The following MPDZ variants were observed in gnomAD, a reference collection of about 807,000 sequenced individuals.
MPDZ encodes the protein multiple PDZ domain crumbs cell polarity complex component.
Under a neutral mutation model 239.1 loss-of-function variants are expected in MPDZ, and 234 were observed. That is an observed-to-expected ratio of 0.98 (90% CI 0.88 to 1.09). MPDZ has a LOEUF of 1.09. Among genes scored for constraint, MPDZ ranks in the 50% least tolerant of loss-of-function variants. The pLI is 0.00. For missense variants in MPDZ, 3,175 were observed against 2,510.0 expected (o/e 1.26, Z -5.66); for synonymous variants, 1,048 against 881.3 (o/e 1.19, Z -3.35).
chr9:13,143,683 A>G (rs1360972783), intron 26 of MPDZ, 119 bp from the exon 27 acceptor site: 2 of 774,224 alleles, frequency 2.6e-6, no homozygotes, highest in Non-Finnish European at 4.5e-6. Context: ...ATCCTATCAG[A>G]TCCAGTCATT....
chr9:13,275,005 T>C lies in MPDZ; in HGVS notation c.-58+4395A>G, dbSNP rs753015965. The stretch of plus-strand genomic sequence containing the variant: ...CCAATGAACATCCAGAGAAAGAAAA[T>C]AAGTGGCCTCAGGCCAAAGATAAAA... On this transcript the variant is annotated intron_variant, in intron 1 of 46. Transcript: ENST00000319217. Among the ~76,000 whole-genome samples, 5 of 152,048 alleles carry C rather than the reference T, an allele frequency of 3.3e-5. No homozygotes were observed. The South Asian group carries it at 8.3e-4, about 25-fold the overall frequency.
intron 24 of MPDZ, 60 bp downstream of exon 24, chr9:13,157,958 C>T: frequency 7.0e-7 from 1 of 1,432,086 alleles, no homozygotes. Context: ...GAAACCACAC[C>T]TGCTTATCTT....
Position 13,138,077 on chromosome 9 carries a change from C to G in MPDZ, c.4080G>C (p.Leu1360Phe), listed in dbSNP as rs543556436. ...CTTTGTTCCCAGCAAGACTTAGGCC[C>G]AAACCACTATGACCTTTCTCCAGTT... Reference protein sequence around the residue: ...MIELEKGHSGLGLSLAGNKDR... With the variant: ...MIELEKGHSGFGLSLAGNKDR... The change falls in exon 29 of 47, where the codon TTG becomes TTC. Residue 1360 changes from leucine (L) to phenylalanine (F), a missense_variant. Coordinates refer to ENST00000319217, the MANE Select transcript of MPDZ (RefSeq NM_001378778.1). The G allele has an allele frequency of 5.0e-5, 80 of 1,613,726 alleles. No individual in the cohort carries two copies. In the South Asian group the frequency reaches 6.9e-4, roughly 14 times the overall value.
chr9:13,231,403 T>C (rs1962409226), intron 3 of MPDZ, among the ~76,000 whole-genome samples: 1 of 151,864 alleles, frequency 6.6e-6, no homozygotes, highest in Admixed American at 6.6e-5. Context: ...CCATCTCTAA[T>C]AAAAATACAA....
intron 22 of MPDZ, 24 bp downstream of exon 22, chr9:13,168,342 A>C (rs753402587): frequency 1.2e-6 from 2 of 1,600,506 alleles, no homozygotes; most frequent in East Asian, 4.5e-5. Flanking sequence ...TCCCAAGTTA[A>C]ACTGGGCTTC....
chr9:13,258,806 T>G (rs181457033), intron 1 of MPDZ, among the ~76,000 whole-genome samples: 1 of 152,256 alleles, frequency 6.6e-6, no homozygotes, highest in East Asian at 1.9e-4. Flanking sequence ...CCTAAATTTA[T>G]TCAATGAAAA....
chr9:13,186,280 T>C lies in MPDZ; in HGVS notation c.2471A>G (p.Asp824Gly), dbSNP rs778898599. 1 of 1,582,260 alleles carries C rather than the reference T, an allele frequency of 6.3e-7. No homozygotes were observed. The highest frequency in any genetic ancestry group is 8.6e-7 in the Non-Finnish European group (1 of 1,162,846). ...GTCATAGCCACTAACCAGAGCCAAG[T>C]CAGCCCTGAAGAGGGGTTTGTCAGC... Reference protein sequence around the residue: ...GLADKPLFRADLALVGTNDAD... With the variant: ...GLADKPLFRAGLALVGTNDAD... The change falls in exon 18 of 47, where the codon GAC becomes GGC. Residue 824 changes from aspartate to glycine, a missense_variant. Coordinates refer to ENST00000319217, the MANE Select transcript of MPDZ (RefSeq NM_001378778.1).
chr9:13,160,871 A>ATATATAC (rs1950401710), intron 23 of MPDZ, among the ~76,000 whole-genome samples: 1 of 25,616 alleles, frequency 3.9e-5, no homozygotes, highest in Non-Finnish European at 9.5e-5. Flanking sequence ...TATATATATA[A>ATATATAC]AACAGGTACT....
chr9:13,140,278 A>G, intron 27 of MPDZ, 129 bp from the exon 28 acceptor site: 1 of 579,994 alleles, frequency 1.7e-6, no homozygotes, highest in East Asian at 3.6e-5. Context: ...TGGAAAGCTC[A>G]TATATGTATA....
At chr9:13,269,980 G>A (rs1026284549) in intron 1 of MPDZ, among the ~76,000 whole-genome samples, 1 of 152,152 alleles carries the variant, frequency 6.6e-6, no homozygotes, top group Non-Finnish European at 1.5e-5. Flanking sequence ...AATGTAACAA[G>A]CTACACTATT....
At chr9:13,160,193 C>T (rs1272291188) in intron 23 of MPDZ, among the ~76,000 whole-genome samples, 1 of 152,144 alleles carries the variant, frequency 6.6e-6, no homozygotes, top group Non-Finnish European at 1.5e-5. Context: ...TTGTGCAATT[C>T]CTTCCTTGCT....
chr9:13,154,931 T>C (rs1949641234), intron 24 of MPDZ, among the ~76,000 whole-genome samples: 1 of 152,086 alleles, frequency 6.6e-6, no homozygotes, highest in South Asian at 2.1e-4. Flanking sequence ...TAAAAATTGG[T>C]ATAGCAGCCA....
At position 13,270,095 on chromosome 9, in the gene MPDZ, C is replaced by T. The variant is rs373795911; in HGVS notation, c.-58+9305G>A. Reference sequence around the variant, plus strand: ...GGGCTTATTCTTTCAATGAACGTGACTATTTGCTTCTTAATTAACTCATCT... The same window carrying T: ...GGGCTTATTCTTTCAATGAACGTGATTATTTGCTTCTTAATTAACTCATCT... On this transcript the variant is annotated intron_variant, in intron 1 of 46. Coordinates refer to ENST00000319217, the MANE Select transcript of MPDZ (RefSeq NM_001378778.1). 3.9e-5 allele frequency among the ~76,000 whole-genome samples: 6 copies of T among 152,294 alleles called. No individual in the cohort carries two copies. The East Asian group carries it at 9.6e-4, about 24-fold the overall frequency.
rs115744063 is a variant in MPDZ, at chr9:13,119,237, C to G, written c.5379+265G>C. Among the ~76,000 whole-genome samples the G allele has an allele frequency of 2.5e-3, 378 of 152,228 alleles. 3 individuals are homozygous for G. Among genetic ancestry groups the G allele is most frequent in the Middle Eastern group, 0.01 (3 of 294 alleles). On this transcript the variant is annotated intron_variant, in intron 39 of 46. Transcript: ENST00000319217. ...TAGCTGGGACTATAGGCACGCACAACCATGCCCAACTAATTTTTATATTTT... is the reference window on the plus strand; with the variant it reads ...TAGCTGGGACTATAGGCACGCACAAGCATGCCCAACTAATTTTTATATTTT...
rs372186781 is a variant in MPDZ, at chr9:13,191,863, C to T, written c.1968+268G>A. Among the ~76,000 whole-genome samples, 354 of 152,184 alleles carry T rather than the reference C, an allele frequency of 2.3e-3. 5 individuals are homozygous for T. The highest frequency in any genetic ancestry group is 8.0e-3 in the African/African-American group (334 of 41,538). On this transcript the variant is annotated intron_variant, in intron 15 of 46. Coordinates refer to ENST00000319217, the MANE Select transcript of MPDZ (RefSeq NM_001378778.1). ...TGATTACATAACCTTATTTAACCTT[C>T]AGGGCAACTTTTTGAGACAAGCATC...
At chr9:13,226,654 G>C (rs371181520) in intron 3 of MPDZ, among the ~76,000 whole-genome samples, 1 of 152,004 alleles carries the variant, frequency 6.6e-6, no homozygotes, top group Admixed American at 6.6e-5. Flanking sequence ...CGAACTTACT[G>C]TGCCCTGTTT....
At chr9:13,126,010 A>G (rs1489924491) in intron 34 of MPDZ, among the ~76,000 whole-genome samples, 1 of 152,196 alleles carries the variant, frequency 6.6e-6, no homozygotes, top group Non-Finnish European at 1.5e-5. Context: ...ATTTCAAGGA[A>G]ACAAAGCTTT....
rs535707026 is a variant in MPDZ at position 13,149,900 on chromosome 9, G to T, written c.3630+611C>A. ...AGCACTGAAAAGGAGCGAGATCCTGGCTTCGACTGAGAAGGATTTACATGA... is the reference window on the plus strand; with the variant it reads ...AGCACTGAAAAGGAGCGAGATCCTGTCTTCGACTGAGAAGGATTTACATGA... On this transcript the variant is annotated intron_variant, in intron 25 of 46. Coordinates refer to ENST00000319217, the MANE Select transcript of MPDZ (RefSeq NM_001378778.1). Among the ~76,000 whole-genome samples the T allele has an allele frequency of 3.9e-5, 6 of 152,004 alleles. No homozygotes were observed. The East Asian group carries it at 1.2e-3, about 29-fold the overall frequency.
intron 3 of MPDZ, among the ~76,000 whole-genome samples, chr9:13,235,783 T>G (rs1249081188): frequency 2.6e-5 from 4 of 152,124 alleles, no homozygotes; most frequent in Non-Finnish European, 5.9e-5. Context: ...GTCTTAAAAT[T>G]CCCTTGTGCT....
Sources: allele counts gnomAD v4.1 joint callset (sites outside exome capture counted in the v4.1 genomes callset), GRCh38; gene constraint gnomAD v4.1.1; transcripts MANE v1.5; gene names NCBI Gene and HGNC (gene_info 2026-07-23, HGNC 2026-07-21).